Variants in TENM3 observed in about 807,000 individuals in gnomAD.
TENM3 encodes the protein teneurin-3.
Under a neutral mutation model 255.1 loss-of-function variants are expected in TENM3, and 63 were observed. That is an observed-to-expected ratio of 0.25 (90% CI 0.20 to 0.30). The LOEUF is 0.30. Among genes scored for constraint, TENM3 ranks in the 10% least tolerant of loss-of-function variants. The pLI, the probability that TENM3 is intolerant of heterozygous loss-of-function variation, is 1.00. For synonymous variants in TENM3, 1,306 were observed against 1,322.3 expected, an observed-to-expected ratio of 0.99 and a Z score of 0.27; for missense variants, 2,929 against 3,461.1, an observed-to-expected ratio of 0.85 and a Z score of 3.86.
chr4:182,428,577 T>C (rs562267483), intron 3 of TENM3, among the ~76,000 whole-genome samples: 2 of 151,830 alleles, frequency 1.3e-5, no homozygotes, highest in African/African-American at 4.8e-5. Flanking sequence ...ATTCCGTCAG[T>C]CAATTGGCAT....
chr4:181,840,032 T>C, the TENM3 span, among the ~76,000 whole-genome samples: 3 of 152,132 alleles, frequency 2.0e-5, no homozygotes, highest in African/African-American at 4.8e-5. Flanking sequence ...AAGTATGTTA[T>C]ACTTTTCCAC....
At chr4:181,916,379 T>C in the TENM3 span, among the ~76,000 whole-genome samples, 1 of 152,178 alleles carries the variant, frequency 6.6e-6, no homozygotes, top group South Asian at 2.1e-4. Context: ...AGGAACTACG[T>C]AAAACCGGCT....
At chr4:182,452,459 C>T (rs1773544518) in intron 3 of TENM3, among the ~76,000 whole-genome samples, 1 of 151,998 alleles carries the variant, frequency 6.6e-6, no homozygotes, top group South Asian at 2.1e-4. Flanking sequence ...ACTGCAGTCA[C>T]AAATACAAGC....
intron 5 of TENM3, among the ~76,000 whole-genome samples, chr4:182,645,508 T>C (rs1752664988): frequency 6.6e-6 from 1 of 152,118 alleles, no homozygotes; most frequent in Non-Finnish European, 1.5e-5. Flanking sequence ...CCTAAAAACC[T>C]AAATGGCTGT....
intron 1 of TENM3, among the ~76,000 whole-genome samples, chr4:182,173,096 C>T (rs1752212605): frequency 2.0e-5 from 3 of 152,186 alleles, no homozygotes; most frequent in Admixed American, 2.0e-4. Context: ...TTCCCAATCT[C>T]ACTGTCTTAA....
At chr4:182,181,939 G>A (rs1054307255) in intron 1 of TENM3, among the ~76,000 whole-genome samples, 3 of 150,678 alleles carry the variant, frequency 2.0e-5, no homozygotes, top group Non-Finnish European at 2.9e-5. Flanking sequence ...GAAAAAATTC[G>A]ATAGGTAGTA....
the TENM3 span, among the ~76,000 whole-genome samples, chr4:181,565,778 T>G: frequency 6.6e-6 from 1 of 152,226 alleles, no homozygotes; most frequent in Admixed American, 6.5e-5. Flanking sequence ...TTGCAATTAA[T>G]CAATTTATTT....
the TENM3 span, among the ~76,000 whole-genome samples, chr4:181,776,117 T>G: frequency 3.0e-4 from 45 of 152,238 alleles, no homozygotes; most frequent in African/African-American, 1.0e-3. Flanking sequence ...TCATTCAACT[T>G]TCTGCTTCCA....
intron 3 of TENM3, chr4:182,548,768 G>A (rs769588336): frequency 6.6e-6 from 1 of 151,764 alleles, no homozygotes; most frequent in Non-Finnish European, 1.5e-5. Context: ...CTTGGGATCT[G>A]TCTTAACACA....
chr4:182,337,140 T>C (rs946701718), intron 2 of TENM3, among the ~76,000 whole-genome samples: 1 of 152,156 alleles, frequency 6.6e-6, no homozygotes, highest in Admixed American at 6.5e-5. Flanking sequence ...AAATGTGAGA[T>C]AGACAAAGAT....
chr4:181,804,185 A>G, the TENM3 span, among the ~76,000 whole-genome samples: 2 of 150,982 alleles, frequency 1.3e-5, no homozygotes, highest in African/African-American at 2.4e-5. Flanking sequence ...GAAAGAAGGG[A>G]GGGAGGGAAA....
the TENM3 span, among the ~76,000 whole-genome samples, chr4:182,056,831 G>A: frequency 2.6e-5 from 4 of 151,862 alleles, no homozygotes; most frequent in African/African-American, 9.7e-5. Flanking sequence ...GAGGTGGGTG[G>A]GGGATAACAG....
chr4:182,057,797 T>G, the TENM3 span, among the ~76,000 whole-genome samples: 1 of 152,130 alleles, frequency 6.6e-6, no homozygotes, highest in South Asian at 2.1e-4. Context: ...TGGCATAAAC[T>G]TCAACGTAAT....
the TENM3 span, among the ~76,000 whole-genome samples, chr4:181,685,079 GT>G: frequency 6.6e-6 from 1 of 151,696 alleles, no homozygotes; most frequent in African/African-American, 2.4e-5. Context: ...TTGTTTTTTT[GT>G]TTTGTTTTGT....
the TENM3 span, among the ~76,000 whole-genome samples, chr4:181,483,666 T>C: frequency 6.6e-6 from 1 of 152,174 alleles, no homozygotes; most frequent in Non-Finnish European, 1.5e-5. Context: ...ATTTTATATT[T>C]GATTTGGCTT....
the TENM3 span, among the ~76,000 whole-genome samples, chr4:181,614,183 C>T: frequency 6.6e-6 from 1 of 151,862 alleles, no homozygotes; most frequent in Non-Finnish European, 1.5e-5. Context: ...TTGGTGTCCT[C>T]AAAGATTTTT....
the TENM3 span, among the ~76,000 whole-genome samples, chr4:181,958,633 C>A: frequency 6.6e-6 from 1 of 152,156 alleles, no homozygotes; most frequent in African/African-American, 2.4e-5. Context: ...AACTGCTTCA[C>A]AGAATGTCTC....
At chr4:182,246,245 G>A (rs983903665) in intron 1 of TENM3, among the ~76,000 whole-genome samples, 1 of 152,172 alleles carries the variant, frequency 6.6e-6, no homozygotes. Flanking sequence ...ACTGCCAGCA[G>A]CCCCAAGGCA....
the TENM3 span, among the ~76,000 whole-genome samples, chr4:181,553,891 C>T: frequency 3.3e-5 from 5 of 152,154 alleles, no homozygotes; most frequent in East Asian, 1.9e-4. Context: ...CTTAGCGCTG[C>T]CCAGCAATCC....
Sources: gnomAD v4.1 joint callset for allele counts (sites outside exome capture counted in the v4.1 genomes callset) on GRCh38, gnomAD v4.1.1 for gene constraint, MANE v1.5 for transcripts, NCBI Gene and HGNC (gene_info 2026-07-23, HGNC 2026-07-21) for gene names.